Variants in RAB23 observed in about 807,000 individuals in gnomAD.
RAB23 encodes RAB23, member RAS oncogene family, also known as ras-related protein Rab-23.
In RAB23, 15 loss-of-function variants were observed where a neutral mutation model predicts 30.0. The ratio of observed to expected loss-of-function variants is 0.50; its 90% CI spans 0.33 to 0.77. The LOEUF (loss-of-function observed/expected upper bound fraction) is 0.77. RAB23 is among the 30% of genes least tolerant of loss of function. The probability of loss-of-function intolerance (pLI) is 0.02; values close to 1 mark genes in which losing one functional copy is unlikely to be tolerated. For missense variants in RAB23, 243 were observed against 275.4 expected, an observed-to-expected ratio of 0.88 and a Z score of 0.83; for synonymous variants, 93 against 94.0, an observed-to-expected ratio of 0.99 and a Z score of 0.06.
At chr6:57,212,528 C>T (rs1765693407) in intron 1 of RAB23, among the ~76,000 whole-genome samples, 1 of 152,184 alleles carries the variant, frequency 6.6e-6, no homozygotes, top group South Asian at 2.1e-4. Flanking sequence ...GTGTCAAAGC[C>T]AATATCCTAT....
chr6:57,207,792 T>C (rs573409696), intron 2 of RAB23, 79 bp from the exon 3 acceptor site: 1 of 1,000,808 alleles, frequency 1.0e-6, no homozygotes, highest in African/African-American at 1.6e-5. Context: ...TTTTTCATTT[T>C]CAAATCCAAA....
At chr6:57,200,321 G>A (rs771152953) in intron 3 of RAB23, among the ~76,000 whole-genome samples, 34 of 151,382 alleles carry the variant, frequency 2.2e-4, no homozygotes, top group Non-Finnish European at 4.4e-4. Context: ...GGCGGATCAC[G>A]AGGTCAGGAG....
intron 1 of RAB23, among the ~76,000 whole-genome samples, chr6:57,214,623 A>G (rs1043998467): frequency 6.6e-6 from 1 of 152,192 alleles, no homozygotes; most frequent in African/African-American, 2.4e-5. Flanking sequence ...TCAATGGAAG[A>G]CAAGCAGGAA....
rs1241229328 is a variant in RAB23 at position 57,187,953 on chromosome 6, C to G, written c.*2508G>C. On this transcript the variant is annotated 3_prime_UTR_variant, in exon 7 of 7. Transcript: ENST00000468148. ...TTTAACTATATTGCCTTATATGGGT[C>G]ATTCTATATACTATTTAATTCATAG... 1 of 151,658 alleles carries G rather than the reference C, an allele frequency of 6.6e-6. No individual in the cohort carries two copies. The highest frequency in any genetic ancestry group is 2.4e-5 in the African/African-American group (1 of 41,152). The allele number at this position is 151,658 out of a possible 1,614,324, so 9.4% of individuals were successfully genotyped here. A position where few individuals can be genotyped will look rare whatever the true frequency, so the allele number is the denominator to read the frequency against.
intron 1 of RAB23, chr6:57,221,474 G>A (rs549852851): frequency 4.8e-4 from 74 of 152,612 alleles, no homozygotes; most frequent in African/African-American, 1.8e-3. Context: ...GGGAAGGGTG[G>A]GGTCGCGGGT....
At position 57,194,839 on chromosome 6, in the gene RAB23, C is replaced by T. The variant is rs1435785424; in HGVS notation, c.412G>A (p.Ala138Thr). The T allele has an allele frequency of 4.3e-6, 7 of 1,612,954 alleles. No individual in the cohort carries two copies. The highest frequency in any genetic ancestry group is 5.9e-6 in the Non-Finnish European group (7 of 1,179,246). ...CTTAACTTTAACCTTTTTGCCAGTG[C>T]CTCAGCTTCCTCACTGCACATCAAT... is the stretch of plus-strand genomic sequence containing the variant. Reference protein sequence around the residue: ...DSCIKNEEAEALAKRLKLRFY... With the variant: ...DSCIKNEEAETLAKRLKLRFY... The change falls in exon 5 of 7, where the codon GCA becomes ACA. Residue 138 changes from alanine to threonine, a missense_variant. By Grantham distance (58) the Ala-to-Thr change is moderately conservative. Coordinates refer to ENST00000468148, the MANE Select transcript of RAB23 (RefSeq NM_016277.5).
rs1025688053 is a variant in RAB23, at chr6:57,188,879, T to C, written c.*1582A>G. ...AGGACACACCCAGGAAATTTGATTT[T>C]CTCAACATTAGGAGGATGAGGGGAG... On this transcript the variant is annotated 3_prime_UTR_variant, in exon 7 of 7. Coordinates refer to ENST00000468148, the MANE Select transcript of RAB23 (RefSeq NM_016277.5). 4 of 152,130 alleles carry C rather than the reference T, an allele frequency of 2.6e-5. No homozygotes were observed. Among genetic ancestry groups the C allele is most frequent in the Non-Finnish European group, 4.4e-5 (3 of 68,006 alleles). The allele number at this position is 152,130 out of a possible 1,614,324, so 9.4% of individuals were successfully genotyped here.
intron 1 of RAB23, among the ~76,000 whole-genome samples, chr6:57,217,726 C>A (rs982329620): frequency 2.6e-4 from 38 of 146,298 alleles, no homozygotes; most frequent in African/African-American, 6.3e-4. Context: ...CCAAAGCAAG[C>A]AAAAAAAAAG....
intron 1 of RAB23, among the ~76,000 whole-genome samples, chr6:57,213,590 C>T (rs1416247604): frequency 1.3e-5 from 2 of 152,156 alleles, no homozygotes; most frequent in African/African-American, 4.8e-5. Flanking sequence ...ACTTCAGACA[C>T]TTTTGCTTCT....
intron 1 of RAB23, among the ~76,000 whole-genome samples, chr6:57,212,104 T>TA (rs1178726775): frequency 6.6e-6 from 1 of 152,208 alleles, no homozygotes; most frequent in Non-Finnish European, 1.5e-5. Context: ...AAAACAAGCA[T>TA]AAAAGGTGCT....
intron 1 of RAB23, among the ~76,000 whole-genome samples, chr6:57,215,422 G>A (rs1464383873): frequency 6.6e-6 from 1 of 152,200 alleles, no homozygotes; most frequent in Non-Finnish European, 1.5e-5. Flanking sequence ...GAAAAAGGAT[G>A]GGGAAAAGTA....
At chr6:57,207,362 A>G (rs765019344) in intron 3 of RAB23, among the ~76,000 whole-genome samples, 11 of 152,208 alleles carry the variant, frequency 7.2e-5, no homozygotes, top group African/African-American at 1.7e-4. Flanking sequence ...TAGGCACTTA[A>G]GAGTTTCTTA....
In RAB23 at chr6:57,190,558, G is replaced by A. The variant is rs376037995; in HGVS notation, c.617C>T (p.Ser206Leu). 5.6e-6 allele frequency: 9 copies of A among 1,613,748 alleles called. No homozygotes were observed. The highest frequency in any genetic ancestry group is 6.8e-6 in the Non-Finnish European group (8 of 1,179,786). ...GACATCTCCACCATTGAGGGTACCT[G>A]AATTCTGACCGGAGTGACTTCCACC... ...TSGGSHSGQN[S>L]GTLNGGDVIN... is the part of the protein sequence containing the mutation. The change falls in exon 7 of 7, where the codon TCA becomes TTA. Residue 206 changes from serine (S) to leucine (L), a missense_variant. By Grantham distance (145) the Ser-to-Leu change is moderately radical. Transcript: ENST00000468148.
intron 3 of RAB23, among the ~76,000 whole-genome samples, chr6:57,205,434 C>T (rs752188701): frequency 6.6e-6 from 1 of 152,034 alleles, no homozygotes; most frequent in Non-Finnish European, 1.5e-5. Flanking sequence ...AGGTGCTACG[C>T]AATGGGGCTG....
intron 1 of RAB23, among the ~76,000 whole-genome samples, chr6:57,212,421 C>A (rs1323436600): frequency 6.6e-6 from 1 of 152,068 alleles, no homozygotes; most frequent in Non-Finnish European, 1.5e-5. Context: ...CAGGCATTTT[C>A]CCCAATAAAT....
intron 1 of RAB23, among the ~76,000 whole-genome samples, chr6:57,211,058 G>C (rs1663741553): frequency 6.6e-6 from 1 of 152,188 alleles, no homozygotes; most frequent in South Asian, 2.1e-4. Context: ...TAAAAGTACT[G>C]TATAAAATTA....
rs1288149257 is a variant in RAB23 at position 57,188,937 on chromosome 6, A to C, written c.*1524T>G. 2.0e-5 allele frequency: 3 copies of C among 152,210 alleles called. No homozygotes were observed. The highest frequency in any genetic ancestry group is 7.2e-5 in the African/African-American group (3 of 41,458). 9.4% of individuals were successfully genotyped at this position (152,210 alleles called of 1,614,324 possible). A position where few individuals can be genotyped will look rare whatever the true frequency, so the allele number is the denominator to read the frequency against. ...GGAAAAACAAAAGATAAAACACAAA[A>C]GGAGTACATAAAACATTGTTTAGTA... is the stretch of plus-strand genomic sequence containing the variant. On this transcript the variant is annotated 3_prime_UTR_variant, in exon 7 of 7. Transcript: ENST00000468148.
At chr6:57,193,203 GAA>G (rs797002803) in intron 6 of RAB23, among the ~76,000 whole-genome samples, 1 of 130,672 alleles carries the variant, frequency 7.7e-6, no homozygotes, top group Non-Finnish European at 1.7e-5. Context: ...GGCAAAGGCA[GAA>G]AAAAAAAAAA....
chr6:57,190,056 C>T lies in RAB23; in HGVS notation c.*405G>A, dbSNP rs577095908. 11 of 228,904 alleles carry T rather than the reference C, an allele frequency of 4.8e-5. 1 individual carries two copies. Among genetic ancestry groups the T allele is most frequent in the South Asian group, 2.5e-4 (4 of 15,882 alleles). 14.2% of individuals were successfully genotyped at this position (228,904 alleles called of 1,614,324 possible). On this transcript the variant is annotated 3_prime_UTR_variant, in exon 7 of 7. Transcript: ENST00000468148. ...AAAGTATTCAGATTCAATACTATTT[C>T]GCAGAAAAGCTACATGACCAATTTC...
Sources: gnomAD v4.1 joint callset for allele counts (sites outside exome capture counted in the v4.1 genomes callset) on GRCh38, gnomAD v4.1.1 for gene constraint, MANE v1.5 for transcripts, NCBI Gene and HGNC (gene_info 2026-07-23, HGNC 2026-07-21) for gene names.